CLHC1: variants seen among roughly 807,000 people sequenced by gnomAD.
CLHC1 encodes clathrin heavy chain linker domain-containing protein 1.
A neutral mutation model predicts 69.5 loss-of-function variants in CLHC1; 72 were observed. The observed-to-expected ratio is 1.04, with a 90% CI of 0.86 to 1.26. The LOEUF is 1.26. CLHC1 is among the 50% of genes most tolerant of loss of function. CLHC1 has a pLI of 0.00. For synonymous variants in CLHC1, 223 were observed against 224.3 expected (o/e 0.99, Z 0.05); for missense variants, 790 against 679.3 (o/e 1.16, Z -1.81).
intron 1 of CLHC1, chr2:55,231,908 C>T (rs1252422180): frequency 6.6e-6 from 1 of 152,040 alleles, no homozygotes; most frequent in African/African-American, 2.4e-5. Flanking sequence ...CACACAAGAC[C>T]CAGACTCTTC....
At chr2:55,212,647 CA>C in intron 5 of CLHC1, 25 bp downstream of exon 5, 2 of 1,558,942 alleles carry the variant, frequency 1.3e-6, no homozygotes. Context: ...GGATTTCTCT[CA>C]AATATTTTAA....
chr2:55,208,713 G>A lies in CLHC1; in HGVS notation c.815-3C>T, dbSNP rs778290494. 2.5e-6 allele frequency: 4 copies of A among 1,593,680 alleles called. No homozygotes were observed. The East Asian group carries it at 6.7e-5, about 27-fold the overall frequency. Reference sequence around the variant, plus strand: ...TTCTTCAACAATGCCTTGGTCACCTGTAAATATTGAAAGTACTACTGGAAG... The same window carrying A: ...TTCTTCAACAATGCCTTGGTCACCTATAAATATTGAAAGTACTACTGGAAG... On this transcript the variant is annotated splice_polypyrimidine_tract_variant and splice_region_variant and intron_variant, in intron 7 of 12. Coordinates refer to ENST00000401408, the MANE Select transcript of CLHC1 (RefSeq NM_152385.4).
chr2:55,207,586 A>G (rs1185557527), intron 8 of CLHC1, among the ~76,000 whole-genome samples: 2 of 152,238 alleles, frequency 1.3e-5, no homozygotes, highest in East Asian at 3.8e-4. Context: ...TATAAAGACC[A>G]GGAATATTAC....
At chr2:55,185,896 G>A (rs1368699462) in intron 9 of CLHC1, among the ~76,000 whole-genome samples, 1 of 152,102 alleles carries the variant, frequency 6.6e-6, no homozygotes, top group Non-Finnish European at 1.5e-5. Context: ...ATATCTTTGA[G>A]CTTTAATATG....
At position 55,211,212 on chromosome 2, in the gene CLHC1, T is replaced by C. The variant is rs141466899; in HGVS notation, c.500-1381A>G. Among the ~76,000 whole-genome samples, 167 of 152,152 alleles carry C rather than the reference T, an allele frequency of 1.1e-3. No individual in the cohort carries two copies. The East Asian group carries it at 0.027, about 25-fold the overall frequency. ...CTAGTCACAATTTTATATTTGAAAG[T>C]GAATCTAGGCCAGGTGCAGTGGCTC... On this transcript the variant is annotated intron_variant, in intron 5 of 12. Transcript: ENST00000401408.
chr2:55,198,114 G>GA (rs1212750152), intron 9 of CLHC1, among the ~76,000 whole-genome samples: 3 of 152,116 alleles, frequency 2.0e-5, no homozygotes, highest in Non-Finnish European at 4.4e-5. Context: ...GCAGATTAGT[G>GA]ATCTTGAAGC....
intron 4 of CLHC1, among the ~76,000 whole-genome samples, chr2:55,216,921 G>A (rs1000802310): frequency 2.0e-5 from 3 of 152,194 alleles, no homozygotes; most frequent in African/African-American, 7.2e-5. Flanking sequence ...GCTGGGGCAT[G>A]CAGATCGCTT....
At chr2:55,231,052 A>C (rs1166934168) in intron 1 of CLHC1, among the ~76,000 whole-genome samples, 3 of 151,954 alleles carry the variant, frequency 2.0e-5, no homozygotes, top group Non-Finnish European at 2.9e-5. Flanking sequence ...GAGCTAGAGA[A>C]CAGCCTGGCC....
At chr2:55,177,400 C>T (rs1239448030) in intron 12 of CLHC1, among the ~76,000 whole-genome samples, 1 of 152,180 alleles carries the variant, frequency 6.6e-6, no homozygotes, top group Non-Finnish European at 1.5e-5. Flanking sequence ...ATACTCCCTT[C>T]ATTCTAATTC....
intron 9 of CLHC1, among the ~76,000 whole-genome samples, chr2:55,201,068 A>T (rs1205395314): frequency 2.0e-5 from 3 of 152,110 alleles, no homozygotes; most frequent in Non-Finnish European, 4.4e-5. Flanking sequence ...ATAAGTGCTT[A>T]CATCAAAAAA....
chr2:55,180,688 C>T lies in CLHC1; in HGVS notation c.1206G>A (p.Gly402=), dbSNP rs775373159. ...QERLTFSEEA[G]DVICDYGEQD... ...GCTCCCCATAATCACAAATCACATC[C>T]CCAGCCTCCTCAGAAAATGTCAGTC... The change falls in exon 11 of 13, where the codon GGG becomes GGA. Residue 402 remains glycine (G), a synonymous_variant. Transcript: ENST00000401408. 174 of 1,613,856 alleles carry T rather than the reference C, an allele frequency of 1.1e-4. No individual in the cohort carries two copies. Among genetic ancestry groups the T allele is most frequent in the Non-Finnish European group, 1.5e-4 (172 of 1,179,952 alleles).
At chr2:55,196,602 C>G (rs1269048057) in intron 9 of CLHC1, among the ~76,000 whole-genome samples, 1 of 152,158 alleles carries the variant, frequency 6.6e-6, no homozygotes, top group African/African-American at 2.4e-5. Flanking sequence ...AGAAGGGAAG[C>G]CACTGTCTTG....
At chr2:55,204,053 G>A (rs1204187347) in intron 9 of CLHC1, among the ~76,000 whole-genome samples, 2 of 152,204 alleles carry the variant, frequency 1.3e-5, no homozygotes, top group Admixed American at 1.3e-4. Flanking sequence ...GGGAGGCCAA[G>A]GCAGGTGGAT....
intron 5 of CLHC1, among the ~76,000 whole-genome samples, chr2:55,211,502 C>CAAAA (rs35216255): frequency 2.1e-4 from 17 of 82,246 alleles, no homozygotes; most frequent in East Asian, 3.3e-4. Flanking sequence ...ACTATGTCTC[C>CAAAA]AAAAAAAAAA....
Position 55,174,012 on chromosome 2 carries a change from G to GA in CLHC1, c.*1777dup, listed in dbSNP as rs146463473. On this transcript the variant is annotated 3_prime_UTR_variant, in exon 13 of 13. Coordinates refer to ENST00000401408, the MANE Select transcript of CLHC1 (RefSeq NM_152385.4). ...TCTATCAATCATATAGGTCTCAAAG[G>GA]AAAAAAAAAAAAAAAAAGGTTTTAA... Among the ~76,000 whole-genome samples the GA allele has an allele frequency of 1.6e-5, 2 of 127,198 alleles. No individual in the cohort carries two copies. Among genetic ancestry groups the GA allele is most frequent in the Admixed American group, 7.7e-5 (1 of 12,960 alleles). The allele number at this position is 127,198 out of a possible 152,430, so 83.4% of individuals were successfully genotyped here.
chr2:55,215,959 T>C (rs1410343532), intron 4 of CLHC1: 1 of 152,068 alleles, frequency 6.6e-6, no homozygotes, highest in East Asian at 1.9e-4. Context: ...AAACTTTGCA[T>C]AGTTTCCAAG....
At chr2:55,185,761 A>C (rs1558455345) in intron 9 of CLHC1, among the ~76,000 whole-genome samples, 1 of 152,168 alleles carries the variant, frequency 6.6e-6, no homozygotes, top group Non-Finnish European at 1.5e-5. Context: ...TTTGTATCTT[A>C]GTACCTAGGT....
chr2:55,214,885 G>C (rs1673349202), intron 4 of CLHC1: 1 of 152,126 alleles, frequency 6.6e-6, no homozygotes, highest in African/African-American at 2.4e-5. Context: ...AAGGAATTAA[G>C]TTCTAATACA....
intron 12 of CLHC1, among the ~76,000 whole-genome samples, chr2:55,176,400 A>G (rs1269584889): frequency 6.6e-6 from 1 of 152,254 alleles, no homozygotes; most frequent in Non-Finnish European, 1.5e-5. Flanking sequence ...TCAAGTTTTC[A>G]TGATTTCAAA....
Sources: gnomAD v4.1 joint callset for allele counts (sites outside exome capture counted in the v4.1 genomes callset) on GRCh38, gnomAD v4.1.1 for gene constraint, MANE v1.5 for transcripts, NCBI Gene and HGNC (gene_info 2026-07-23, HGNC 2026-07-21) for gene names.